The following PPP1R9A variants were observed in gnomAD, a reference collection of about 807,000 sequenced individuals.
The protein encoded by PPP1R9A is protein phosphatase 1 regulatory subunit 9A, also known as neurabin-1.
Under a neutral mutation model 141.9 loss-of-function variants are expected in PPP1R9A, and 59 were observed. That is an observed-to-expected ratio of 0.42 (90% confidence interval 0.34 to 0.52). PPP1R9A has a LOEUF of 0.52. Ranked by LOEUF, PPP1R9A falls within the 20% of genes least tolerant of loss-of-function variation. The pLI, the probability that PPP1R9A is intolerant of heterozygous loss-of-function variation, is 0.10. For missense variants in PPP1R9A, 1,444 were observed against 1,611.9 expected (o/e 0.90, Z 1.78); for synonymous variants, 500 against 569.7 (o/e 0.88, Z 1.74).
At chr7:95,275,354 G>A (rs1406469936) in intron 16 of PPP1R9A, among the ~76,000 whole-genome samples, 1 of 147,044 alleles carries the variant, frequency 6.8e-6, no homozygotes, top group East Asian at 2.0e-4. Flanking sequence ...GTTTGAGTGA[G>A]CCAAGATCGC....
chr7:95,265,128 T>A (rs1298737780), intron 12 of PPP1R9A, among the ~76,000 whole-genome samples: 1 of 152,144 alleles, frequency 6.6e-6, no homozygotes, highest in Admixed American at 6.6e-5. Flanking sequence ...TCCCTCAGTG[T>A]TGGGGGTTTT....
At chr7:95,253,629 G>A (rs1302116589) in intron 12 of PPP1R9A, among the ~76,000 whole-genome samples, 1 of 152,036 alleles carries the variant, frequency 6.6e-6, no homozygotes, top group African/African-American at 2.4e-5. Flanking sequence ...ATATTACTGT[G>A]CATATTATTT....
At chr7:95,218,368 C>G (rs952378375) in intron 7 of PPP1R9A, among the ~76,000 whole-genome samples, 2 of 152,004 alleles carry the variant, frequency 1.3e-5, no homozygotes, top group African/African-American at 4.8e-5. Context: ...TCCATTTGCT[C>G]AGGAGGGCTT....
At chr7:95,216,842 G>T (rs1213901765) in intron 7 of PPP1R9A, among the ~76,000 whole-genome samples, 2 of 152,156 alleles carry the variant, frequency 1.3e-5, no homozygotes, top group African/African-American at 2.4e-5. Context: ...TGCTGAAGTT[G>T]TTTATCAGCT....
At chr7:94,940,091 G>T (rs190248411) in intron 2 of PPP1R9A, among the ~76,000 whole-genome samples, 3 of 152,132 alleles carry the variant, frequency 2.0e-5, no homozygotes, top group East Asian at 3.9e-4. Context: ...CTATGGAAAA[G>T]AATTTGAACC....
intron 7 of PPP1R9A, among the ~76,000 whole-genome samples, chr7:95,218,730 C>T (rs1793914311): frequency 1.3e-5 from 2 of 152,188 alleles, no homozygotes; most frequent in African/African-American, 4.8e-5. Context: ...TAATGGCCTT[C>T]TTTGTCTCTT....
intron 5 of PPP1R9A, among the ~76,000 whole-genome samples, chr7:95,196,068 T>A (rs1323082968): frequency 9.8e-6 from 1 of 102,300 alleles, no homozygotes; most frequent in Non-Finnish European, 1.9e-5. Flanking sequence ...AATACACACA[T>A]ACGTGTGTGT....
In PPP1R9A at chr7:95,021,364, G is replaced by T. The variant is rs185603749; in HGVS notation, c.1396-89895G>T. Among the ~76,000 whole-genome samples the T allele has an allele frequency of 2.7e-3, 412 of 151,498 alleles. 4 individuals carry two copies. Among genetic ancestry groups the T allele is most frequent in the African/African-American group, 8.8e-3 (364 of 41,362 alleles). On this transcript the variant is annotated intron_variant, in intron 2 of 19. Coordinates refer to ENST00000433360, the MANE Select transcript of PPP1R9A (RefSeq NM_001166160.2). Reference sequence around the variant, plus strand: ...TTATTTAAGTTCTTTCTAGATTCTGGATATTAGCCCTTTGTCAGATGGATA... The same window carrying T: ...TTATTTAAGTTCTTTCTAGATTCTGTATATTAGCCCTTTGTCAGATGGATA...
intron 2 of PPP1R9A, among the ~76,000 whole-genome samples, chr7:94,990,886 C>G (rs1335240791): frequency 1.3e-5 from 2 of 152,040 alleles, no homozygotes; most frequent in African/African-American, 4.8e-5. Context: ...GGATTTCCTT[C>G]TTTTTTATGG....
intron 12 of PPP1R9A, among the ~76,000 whole-genome samples, chr7:95,266,804 A>G (rs895936244): frequency 8.5e-5 from 13 of 152,152 alleles, no homozygotes; most frequent in African/African-American, 2.9e-4. Flanking sequence ...GTGGTGTTCC[A>G]CATTTTATAT....
chr7:95,274,107 A>G lies in PPP1R9A; in HGVS notation c.3235A>G (p.Ser1079Gly). 6.3e-7 allele frequency: 1 copy of G among 1,584,108 alleles called. No individual in the cohort carries two copies. The highest frequency in any genetic ancestry group is 8.5e-7 in the Non-Finnish European group (1 of 1,171,048). ...CAGGGCGCCTTTGCGAAGGAATTCC[A>G]GCAAGGGAAAGAAGTGGAAAGAAAA... ...DLGAPLRRNSSKGKKWKEKEK... is the reference protein window; with the variant it reads ...DLGAPLRRNSGKGKKWKEKEK... The change falls in exon 16 of 20, where the codon AGC (serine) becomes GGC (glycine). Residue 1079 changes from serine to glycine, a missense_variant. By Grantham distance (56) the Ser-to-Gly change is moderately conservative. Transcript: ENST00000433360.
intron 4 of PPP1R9A, among the ~76,000 whole-genome samples, chr7:95,137,942 T>C (rs1825965824): frequency 2.0e-5 from 3 of 150,844 alleles, no homozygotes; most frequent in Admixed American, 1.3e-4. Flanking sequence ...TTCTTTTTTT[T>C]TTTTTTTTGA....
chr7:94,990,401 G>A (rs976947608), intron 2 of PPP1R9A, among the ~76,000 whole-genome samples: 9 of 152,066 alleles, frequency 5.9e-5, no homozygotes, highest in Non-Finnish European at 8.8e-5. Flanking sequence ...GTGCTAAATC[G>A]GAGTTGTTCA....
chr7:94,943,751 A>G (rs1419060840), intron 2 of PPP1R9A, among the ~76,000 whole-genome samples: 1 of 152,192 alleles, frequency 6.6e-6, no homozygotes, highest in African/African-American at 2.4e-5. Context: ...TCATAATGAT[A>G]TTTAAAACAA....
intron 8 of PPP1R9A, among the ~76,000 whole-genome samples, chr7:95,244,565 A>G (rs1362364784): frequency 6.6e-6 from 1 of 152,150 alleles, no homozygotes; most frequent in Non-Finnish European, 1.5e-5. Flanking sequence ...AAATGCCAAC[A>G]AGCTGCATGC....
At chr7:95,230,181 A>T (rs1408445572) in intron 8 of PPP1R9A, among the ~76,000 whole-genome samples, 1 of 152,144 alleles carries the variant, frequency 6.6e-6, no homozygotes, top group Non-Finnish European at 1.5e-5. Context: ...TGAATCCCAG[A>T]TCTTCCCTCT....
chr7:95,233,064 G>A (rs550347309), intron 8 of PPP1R9A, among the ~76,000 whole-genome samples: 11 of 152,198 alleles, frequency 7.2e-5, no homozygotes, highest in African/African-American at 2.4e-4. Flanking sequence ...AAAGACACAT[G>A]CACACCTATG....
intron 2 of PPP1R9A, among the ~76,000 whole-genome samples, chr7:95,064,850 A>G (rs1353853828): frequency 1.3e-5 from 2 of 152,244 alleles, no homozygotes; most frequent in African/African-American, 4.8e-5. Flanking sequence ...ATAACATATT[A>G]AAATGACTTT....
chr7:94,964,846 G>A (rs954986364), intron 2 of PPP1R9A, among the ~76,000 whole-genome samples: 2 of 152,148 alleles, frequency 1.3e-5, no homozygotes, highest in Admixed American at 6.5e-5. Context: ...ACCCAGTAAT[G>A]GGATTGCTGA....
Sources: gnomAD v4.1 joint callset for allele counts (sites outside exome capture counted in the v4.1 genomes callset) on GRCh38, gnomAD v4.1.1 for gene constraint, MANE v1.5 for transcripts, NCBI Gene and HGNC (gene_info 2026-07-23, HGNC 2026-07-21) for gene names.